GMDS: variants seen among roughly 807,000 people sequenced by gnomAD.
The protein encoded by GMDS is GDP-mannose 4,6 dehydratase.
In GMDS, 20 loss-of-function variants were observed where a neutral mutation model predicts 49.9. The observed-to-expected ratio is 0.40, with a 90% CI of 0.28 to 0.58. The LOEUF (loss-of-function observed/expected upper bound fraction) is 0.58, where lower values mean the gene tolerates loss of function less well. Among genes scored for constraint, GMDS ranks in the 20% least tolerant of loss-of-function variants. GMDS has a pLI of 0.42. For synonymous variants in GMDS, 177 were observed against 178.6 expected (o/e 0.99, Z 0.07); for missense variants, 362 against 481.4 (o/e 0.75, Z 2.32).
intron 4 of GMDS, among the ~76,000 whole-genome samples, chr6:2,104,744 A>C (rs914024810): frequency 3.9e-5 from 6 of 152,296 alleles, no homozygotes; most frequent in African/African-American, 1.4e-4. Context: ...GCTGCTGATA[A>C]ATTTTAATTT....
At chr6:2,178,527 C>A (rs905790307) in intron 1 of GMDS, among the ~76,000 whole-genome samples, 1 of 152,134 alleles carries the variant, frequency 6.6e-6, no homozygotes, top group East Asian at 1.9e-4. Context: ...CCCCATGATC[C>A]AATCACCTCC....
At chr6:2,204,525 A>G (rs186274178) in intron 1 of GMDS, among the ~76,000 whole-genome samples, 1 of 152,326 alleles carries the variant, frequency 6.6e-6, no homozygotes, top group Admixed American at 6.5e-5. Flanking sequence ...GAGCTGTGCT[A>G]TTCAATACAG....
At chr6:1,727,944 T>G (rs1329482135) in intron 8 of GMDS, among the ~76,000 whole-genome samples, 1 of 152,192 alleles carries the variant, frequency 6.6e-6, no homozygotes, top group Non-Finnish European at 1.5e-5. Context: ...CAAAAAGGGA[T>G]GTTTGGTAAT....
intron 4 of GMDS, among the ~76,000 whole-genome samples, chr6:2,081,537 A>C (rs1772696841): frequency 6.6e-6 from 1 of 151,650 alleles, no homozygotes; most frequent in Admixed American, 6.6e-5. Flanking sequence ...AACTTACATT[A>C]CCCAGTTCTG....
chr6:2,164,913 T>C (rs988340936), intron 1 of GMDS, among the ~76,000 whole-genome samples: 2 of 152,254 alleles, frequency 1.3e-5, no homozygotes, highest in African/African-American at 4.8e-5. Context: ...CCGTATTTGT[T>C]AGTTTACCAA....
At chr6:2,060,302 T>G (rs1216461576) in intron 4 of GMDS, among the ~76,000 whole-genome samples, 1 of 152,200 alleles carries the variant, frequency 6.6e-6, no homozygotes, top group Non-Finnish European at 1.5e-5. Flanking sequence ...ATGATGCTCG[T>G]TTTTCGTTTT....
chr6:1,843,322 C>T (rs901461261), intron 7 of GMDS, among the ~76,000 whole-genome samples: 4 of 152,106 alleles, frequency 2.6e-5, no homozygotes, highest in African/African-American at 9.7e-5. Flanking sequence ...ATGCACAAAG[C>T]AGGCCATGGC....
At chr6:1,764,135 C>A (rs1409102317) in intron 7 of GMDS, among the ~76,000 whole-genome samples, 1 of 152,062 alleles carries the variant, frequency 6.6e-6, no homozygotes, top group African/African-American at 2.4e-5. Flanking sequence ...TTGTTCCCAG[C>A]AGTAAAAACA....
rs374640046 is a variant in GMDS at position 1,714,549 on chromosome 6, A to G, written c.987+11867T>C. 5.9e-5 allele frequency among the ~76,000 whole-genome samples: 9 copies of G among 152,344 alleles called. No homozygotes were observed. The East Asian group carries it at 1.5e-3, about 26-fold the overall frequency. The stretch of plus-strand genomic sequence containing the variant: ...AGTAGAACTTATTTCTCACTTTGTA[A>G]TTCAGAAAGTTTCAGAGTAGCAGAG... On this transcript the variant is annotated intron_variant, in intron 9 of 10. Coordinates refer to ENST00000380815, the MANE Select transcript of GMDS (RefSeq NM_001500.4).
chr6:1,742,804 G>A (rs1344564918), intron 7 of GMDS, among the ~76,000 whole-genome samples: 3 of 152,202 alleles, frequency 2.0e-5, no homozygotes, highest in Non-Finnish European at 4.4e-5. Flanking sequence ...CAGCCGTAGA[G>A]GGGTGGGCTC....
chr6:2,136,548 C>G (rs572592468), intron 1 of GMDS, among the ~76,000 whole-genome samples: 4 of 152,124 alleles, frequency 2.6e-5, no homozygotes, highest in African/African-American at 9.6e-5. Context: ...ATAGTGAGAC[C>G]CCATCTCTAC....
intron 4 of GMDS, among the ~76,000 whole-genome samples, chr6:2,070,335 G>A (rs1771911816): frequency 1.3e-5 from 2 of 151,122 alleles, no homozygotes; most frequent in South Asian, 4.2e-4. Context: ...GAGTTAGTGG[G>A]TGCAGTGCAC....
At chr6:2,103,929 A>G (rs1287855761) in intron 4 of GMDS, among the ~76,000 whole-genome samples, 1 of 152,236 alleles carries the variant, frequency 6.6e-6, no homozygotes, top group East Asian at 1.9e-4. Context: ...CAAACCCAGT[A>G]TGGGGACTGA....
At chr6:1,759,915 C>T (rs1439303494) in intron 7 of GMDS, among the ~76,000 whole-genome samples, 1 of 151,352 alleles carries the variant, frequency 6.6e-6, no homozygotes, top group African/African-American at 2.4e-5. Flanking sequence ...CACCCCCCAA[C>T]ACCCTTCGGT....
At chr6:2,244,056 C>T (rs962533434) in intron 1 of GMDS, among the ~76,000 whole-genome samples, 2 of 151,548 alleles carry the variant, frequency 1.3e-5, no homozygotes, top group African/African-American at 4.9e-5. Flanking sequence ...GTAGAGACAA[C>T]GTCTCAATAT....
intron 1 of GMDS, among the ~76,000 whole-genome samples, chr6:2,215,387 A>G (rs1780279257): frequency 6.6e-6 from 1 of 152,168 alleles, no homozygotes; most frequent in Non-Finnish European, 1.5e-5. Context: ...TCATGGCAGA[A>G]AGCAAAAGGA....
chr6:2,101,411 C>T (rs541759967), intron 4 of GMDS, among the ~76,000 whole-genome samples: 6 of 151,856 alleles, frequency 4.0e-5, no homozygotes, highest in African/African-American at 1.4e-4. Flanking sequence ...ATATTTCACA[C>T]ATTGGAAATC....
At chr6:1,649,341 C>A (rs1221731641) in intron 9 of GMDS, among the ~76,000 whole-genome samples, 1 of 152,206 alleles carries the variant, frequency 6.6e-6, no homozygotes, top group Non-Finnish European at 1.5e-5. Context: ...AAAACTCAGT[C>A]TCAGAGGTCA....
chr6:2,090,489 C>T (rs180875320), intron 4 of GMDS, among the ~76,000 whole-genome samples: 4 of 152,262 alleles, frequency 2.6e-5, no homozygotes, highest in Non-Finnish European at 2.9e-5. Flanking sequence ...TTCTAAGTAT[C>T]AACAAATCTC....
Sources: allele counts gnomAD v4.1 joint callset (sites outside exome capture counted in the v4.1 genomes callset), GRCh38; gene constraint gnomAD v4.1.1; transcripts MANE v1.5; gene names NCBI Gene and HGNC (gene_info 2026-07-23, HGNC 2026-07-21).